Variants in PER1 observed in about 807,000 individuals in gnomAD.
PER1 encodes the protein period circadian regulator 1.
In PER1, 87 loss-of-function variants were observed where a neutral mutation model predicts 125.9. The ratio of observed to expected loss-of-function variants is 0.69; its 90% CI spans 0.58 to 0.83. PER1 has a LOEUF of 0.83. PER1 is among the 40% of genes least tolerant of loss of function. The pLI is 0.00. For synonymous variants in PER1, 801 were observed against 714.7 expected, an observed-to-expected ratio of 1.12 and a Z score of -1.93; for missense variants, 1,775 against 1,722.8, an observed-to-expected ratio of 1.03 and a Z score of -0.54.
At chr17:8,146,346 G>T in intron 16 of PER1, 26 bp downstream of exon 16, 2 of 1,578,974 alleles carry the variant, frequency 1.3e-6, no homozygotes, top group Non-Finnish European at 1.7e-6. Flanking sequence ...ACGGGGCAGT[G>T]GGAGCAGGGT....
intron 5 of PER1, 35 bp from the exon 6 acceptor site, chr17:8,149,698 A>G: frequency 6.2e-7 from 1 of 1,611,344 alleles, no homozygotes; most frequent in Non-Finnish European, 8.5e-7. Flanking sequence ...CAGATTCAAG[A>G]GCTGTGGGAG....
intron 13 of PER1, 26 bp downstream of exon 13, chr17:8,147,224 G>A: frequency 1.3e-6 from 2 of 1,589,072 alleles, no homozygotes; most frequent in African/African-American, 1.3e-5. Flanking sequence ...GGCGATTAGA[G>A]GGTGAGGTAG....
chr17:8,144,555 C>T (rs1479789524), intron 18 of PER1, 196 bp downstream of exon 18: 9 of 651,510 alleles, frequency 1.4e-5, no homozygotes, highest in Non-Finnish European at 2.0e-5. Context: ...CCAGGCTGCC[C>T]TCCTCTGGCT....
Position 8,150,664 on chromosome 17 carries a change from T to G in PER1, c.43A>C (p.Arg15=), listed in dbSNP as rs774716516. The stretch of plus-strand genomic sequence containing the variant: ...CCAGGACAAAATGATTCCCCAGGCC[T>G]GGGGTCCCCTCCCCCATCAGCCCCT... ...LEGADGGGDP[R]PGESFCPGGV... Residue 15 remains arginine, a synonymous_variant, in exon 2 of 23, where the codon AGG becomes CGG. Transcript: ENST00000317276. 12 of 1,596,446 alleles carry G rather than the reference T, an allele frequency of 7.5e-6. No homozygotes were observed. The Admixed American group carries it at 2.1e-4, about 28-fold the overall frequency.
Position 8,149,248 on chromosome 17 carries a change from C to T in PER1, c.905+11G>A. The T allele has an allele frequency of 6.2e-7, 1 of 1,611,672 alleles. No individual in the cohort carries two copies. Among genetic ancestry groups the T allele is most frequent in the Non-Finnish European group, 8.5e-7 (1 of 1,178,474 alleles). ...AGGAGGCAGAGGTCTTCTCCAGTTCCCCTCACCTACCTGATACGGCAGAAG... is the reference window on the plus strand; with the variant it reads ...AGGAGGCAGAGGTCTTCTCCAGTTCTCCTCACCTACCTGATACGGCAGAAG... On this transcript the variant is annotated intron_variant, in intron 7 of 22. Transcript: ENST00000317276.
chr17:8,149,609 C>T lies in PER1; in HGVS notation c.706G>A (p.Glu236Lys). 1.9e-6 allele frequency: 3 copies of T among 1,612,872 alleles called. No individual in the cohort carries two copies. Among genetic ancestry groups the T allele is most frequent in the Non-Finnish European group, 2.5e-6 (3 of 1,178,952 alleles). ...FLTGRIVYISEQAAVLLRCKR... is the reference protein window; with the variant it reads ...FLTGRIVYISKQAAVLLRCKR... ...CAACGCAGCAGGACGGCTGCCTGCT[C>T]CGAAATGTAGACGATTCGGCCCGTC... The change falls in exon 6 of 23, where the codon GAG becomes AAG. Residue 236 changes from glutamate to lysine, a missense_variant. Coordinates refer to ENST00000317276, the MANE Select transcript of PER1 (RefSeq NM_002616.3).
chr17:8,144,590 G>T (rs1253426332), intron 18 of PER1, 161 bp downstream of exon 18: 5 of 936,900 alleles, frequency 5.3e-6, no homozygotes, highest in Non-Finnish European at 6.3e-6. Context: ...CATCCTAGTG[G>T]GGAGAAGCTA....
At position 8,144,783 on chromosome 17, in the gene PER1, G is replaced by A. The variant is rs1982316358; in HGVS notation, c.2429C>T (p.Ser810Phe). Residue 810 changes from serine (S) to phenylalanine (F), a missense_variant, in exon 18 of 23, where the codon TCT becomes TTT. By Grantham distance (155) the Ser-to-Phe change is radical (BLOSUM62 -2). Coordinates refer to ENST00000317276, the MANE Select transcript of PER1 (RefSeq NM_002616.3). ...GCCAAGGGCTGAGGGAGCTGTGGAA[G>A]AGCTGTCGAGTCCACGCAGCCTGCC... Reference protein sequence around the residue: ...DLGRLRGLDSSSTAPSALGER... With the variant: ...DLGRLRGLDSFSTAPSALGER... The A allele has an allele frequency of 1.3e-6, 2 of 1,581,300 alleles. No homozygotes were observed. Among genetic ancestry groups the A allele is most frequent in the East Asian group, 2.3e-5 (1 of 43,274 alleles).
At chr17:8,144,655 T>C (rs549006929) in intron 18 of PER1, 96 bp downstream of exon 18, 4 of 1,482,106 alleles carry the variant, frequency 2.7e-6, no homozygotes, top group Non-Finnish European at 3.6e-6. Flanking sequence ...CCAGCCTGGG[T>C]CCCTGGAGCA....
In PER1 at chr17:8,144,109, G is replaced by A. The variant is rs1452439233; in HGVS notation, c.2462-233C>T. 1.2e-5 allele frequency: 7 copies of A among 587,182 alleles called. No homozygotes were observed. The Admixed American group carries it at 1.4e-4, about 12-fold the overall frequency. The allele number at this position is 587,182 out of a possible 1,614,324, so 36.4% of individuals were successfully genotyped here. A position where few individuals can be genotyped will look rare whatever the true frequency, so the allele number is the denominator to read the frequency against. Reference sequence around the variant, plus strand: ...GAACAAGGCCAGGGAGAGGTTACACGAGGGGTCGAGCTGGGGGTGTGCGGA... The same window carrying A: ...GAACAAGGCCAGGGAGAGGTTACACAAGGGGTCGAGCTGGGGGTGTGCGGA... On this transcript the variant is annotated intron_variant, in intron 18 of 22. Coordinates refer to ENST00000317276, the MANE Select transcript of PER1 (RefSeq NM_002616.3).
At chr17:8,142,570 C>T in intron 20 of PER1, 79 bp downstream of exon 20, 22 of 1,571,620 alleles carry the variant, frequency 1.4e-5, no homozygotes, top group Non-Finnish European at 1.7e-5. Context: ...CCTTAGGAAG[C>T]TCCGCCAAGA....
In PER1 at chr17:8,143,482, G is replaced by A; in HGVS notation, c.2856C>T (p.His952=). 1 of 1,593,906 alleles carries A rather than the reference G, an allele frequency of 6.3e-7. No homozygotes were observed. Among genetic ancestry groups the A allele is most frequent in the Non-Finnish European group, 8.6e-7 (1 of 1,168,546 alleles). ...PAEGPPTPAS[H]SPSPSLPALA... is the part of the protein sequence containing the mutation. ...GGGCGGGCAAGGATGGAGAAGGGGA[G>A]TGCGAGGCAGGAGTGGGAGGCCCTT... The change falls in exon 19 of 23, where the codon CAC becomes CAT. Residue 952 remains histidine, a synonymous_variant. Coordinates refer to ENST00000317276, the MANE Select transcript of PER1 (RefSeq NM_002616.3).
Position 8,149,735 on chromosome 17 carries a change from G to A in PER1, c.651+20C>T. The A allele has an allele frequency of 3.7e-6, 6 of 1,612,806 alleles. No homozygotes were observed. Among genetic ancestry groups the A allele is most frequent in the Non-Finnish European group, 5.1e-6 (6 of 1,179,956 alleles). On this transcript the variant is annotated intron_variant, in intron 5 of 22. Transcript: ENST00000317276. The stretch of plus-strand genomic sequence containing the variant: ...AGGAGTAGGGGTGCGTCGGGATGCA[G>A]AGGCCAGGCCGCCGCTGACCTGGTT...
Position 8,149,868 on chromosome 17 carries a change from C to T in PER1, c.538G>A (p.Glu180Lys), listed in dbSNP as rs1567538202. ...ACVKQVQANQEYYQQWSLEEG... is the reference protein window; with the variant it reads ...ACVKQVQANQKYYQQWSLEEG... ...TCCAGGCTCCACTGCTGGTAGTATT[C>T]CTGGTTGGCTGCAGAGTGGAGGCAG... Residue 180 changes from glutamate to lysine, a missense_variant, in exon 5 of 23, where the codon GAA becomes AAA. Transcript: ENST00000317276. 2 of 1,614,146 alleles carry T rather than the reference C, an allele frequency of 1.2e-6. No individual in the cohort carries two copies. The highest frequency in any genetic ancestry group is 1.1e-5 in the South Asian group (1 of 91,086).
At chr17:8,149,187 T>C (rs1308664800) in intron 7 of PER1, 72 bp downstream of exon 7, 4 of 1,428,748 alleles carry the variant, frequency 2.8e-6, no homozygotes, top group Non-Finnish European at 3.9e-6. Flanking sequence ...AGACTCCCTT[T>C]CAAAAAGCAA....
At chr17:8,146,227 G>A (rs1567534451) in intron 16 of PER1, 90 bp from the exon 17 acceptor site, 2 of 1,530,886 alleles carry the variant, frequency 1.3e-6, no homozygotes, top group South Asian at 1.3e-5. Flanking sequence ...GGGGATGGTG[G>A]TAGGGAACAG....
rs557212268 is a variant in PER1, at chr17:8,149,479, C to T, written c.836G>A (p.Gly279Asp). 1 of 1,613,218 alleles carries T rather than the reference C, an allele frequency of 6.2e-7. No homozygotes were observed. Among genetic ancestry groups the T allele is most frequent in the Admixed American group, 1.7e-5 (1 of 59,994 alleles). The change falls in exon 6 of 23, where the codon GGC (glycine) becomes GAC (aspartate). Residue 279 changes from glycine to aspartate, a missense_variant. Transcript: ENST00000317276. ...STAPSRLPTW[G>D]TGASAGSGLR... ...CACCTCACCTGCTGAGGCCCCTGTG[C>T]CCCAGGTGGGCAGGCGAGATGGAGC...
rs142770930 is a variant in PER1, at chr17:8,150,491, G to A, written c.216C>T (p.Ser72=). The change falls in exon 2 of 23, where the codon AGC becomes AGT. Residue 72 remains serine (S), a synonymous_variant. Transcript: ENST00000317276. ...AGTCCTTGCCGTTGCCTGAGGAGGA[G>A]CTGTGTGAGCTCCGCTGAGATGCGC... ...SRGASQRSSH[S]SSSGNGKDSA... is the part of the protein sequence containing the mutation. 149 of 1,614,038 alleles carry A rather than the reference G, an allele frequency of 9.2e-5. No homozygotes were observed. The highest frequency in any genetic ancestry group is 1.2e-4 in the Non-Finnish European group (141 of 1,180,032).
In PER1 at chr17:8,144,933, GGGGCT is replaced by G; in HGVS notation, c.2274_2278del (p.Ala759GlnfsTer7). On this transcript the variant is annotated frameshift_variant, in exon 18 of 23. Coordinates refer to ENST00000317276, the MANE Select transcript of PER1 (RefSeq NM_002616.3). LOFTEE classifies it high-confidence loss of function. ...TGGGTCAGGGGCTACTGTGGGGCTGGGGGCTGGGCTGGGGGCTGGGCCTGGGGCTA... is the reference window on the plus strand; with the variant it reads ...TGGGTCAGGGGCTACTGTGGGGCTGGGGGCTGGGGGCTGGGCCTGGGGCTA... 6.6e-7 allele frequency: 1 copy of G among 1,522,704 alleles called. No homozygotes were observed. The highest frequency in any genetic ancestry group is 8.8e-7 in the Non-Finnish European group (1 of 1,134,010). The allele number at this position is 1,522,704 out of a possible 1,614,324, so 94.3% of individuals were successfully genotyped here. A position where few individuals can be genotyped will look rare whatever the true frequency, so the allele number is the denominator to read the frequency against.
Sources: gnomAD v4.1 joint callset for allele counts on GRCh38, gnomAD v4.1.1 for gene constraint, MANE v1.5 for transcripts, NCBI Gene and HGNC (gene_info 2026-07-23, HGNC 2026-07-21) for gene names.